BPTF: variants seen among roughly 807,000 people sequenced by gnomAD.
The protein encoded by BPTF is bromodomain PHD finger transcription factor, also known as nucleosome-remodeling factor subunit BPTF.
Under a neutral mutation model 292.5 loss-of-function variants are expected in BPTF, and 18 were observed. The ratio of observed to expected loss-of-function variants is 0.06; its 90% CI spans 0.04 to 0.09. The LOEUF is 0.09. Among genes scored for constraint, BPTF ranks in the 10% least tolerant of loss-of-function variants. The probability of loss-of-function intolerance (pLI) is 1.00; values close to 1 mark genes in which losing one functional copy is unlikely to be tolerated. For synonymous variants in BPTF, 1,225 were observed against 1,251.9 expected (o/e 0.98, Z 0.45); for missense variants, 2,726 against 3,498.7 (o/e 0.78, Z 5.57).
intron 23 of BPTF, among the ~76,000 whole-genome samples, 198 bp downstream of exon 23, chr17:67,948,504 A>G (rs939026752): frequency 2.6e-5 from 4 of 152,190 alleles, no homozygotes; most frequent in African/African-American, 7.2e-5. Context: ...GTGTAGTTAT[A>G]TTGTATTCTC....
At position 67,982,277 on chromosome 17, in the gene BPTF, A is replaced by G; in HGVS notation, c.8752A>G (p.Thr2918Ala). 1 of 1,611,736 alleles carries G rather than the reference A, an allele frequency of 6.2e-7. No individual in the cohort carries two copies. Residue 2918 changes from threonine to alanine, a missense_variant, in exon 28 of 28, where the codon ACA (threonine) becomes GCA (alanine). Physicochemically the swap from Thr to Ala is moderately conservative, Grantham distance 58 (BLOSUM62 0). Around this residue, in one of 22 missense-constraint regions of BPTF, gnomAD observed 21 missense variants for 16.1 expected, o/e 1.30. Coordinates refer to ENST00000306378, the MANE Select transcript of BPTF (RefSeq NM_182641.4). ...GTCTCATAACAACAAACTGCAGTCT[A>G]CAGCTTCTTAAAGTTCAGCGTGTTA... ...SRSHNNKLQS[T>A]AS is the part of the protein sequence containing the mutation.
intron 27 of BPTF, among the ~76,000 whole-genome samples, chr17:67,980,944 G>A (rs1487722972): frequency 6.6e-6 from 1 of 152,140 alleles, no homozygotes; most frequent in Non-Finnish European, 1.5e-5. Context: ...GTTCGCTTGA[G>A]CCCAGGAGTT....
chr17:67,937,337 A>T (rs2064993877), intron 18 of BPTF, among the ~76,000 whole-genome samples: 1 of 151,720 alleles, frequency 6.6e-6, no homozygotes, highest in Non-Finnish European at 1.5e-5. Flanking sequence ...GGTGCCTGTA[A>T]TCCCAGCTAC....
intron 27 of BPTF, among the ~76,000 whole-genome samples, chr17:67,976,527 A>G (rs1555693989): frequency 2.0e-5 from 3 of 151,850 alleles, no homozygotes; most frequent in African/African-American, 7.3e-5. Flanking sequence ...CTCTACAAAA[A>G]TTTAAAAAAT....
chr17:67,973,352 C>T (rs1309239409), intron 26 of BPTF, among the ~76,000 whole-genome samples: 6 of 150,034 alleles, frequency 4.0e-5, no homozygotes, highest in African/African-American at 7.3e-5. Flanking sequence ...CCAGCCTGGG[C>T]GACAGAGCGA....
At chr17:67,940,356 G>A (rs1484115556) in intron 18 of BPTF, 83 bp from the exon 19 acceptor site, 4 of 1,216,956 alleles carry the variant, frequency 3.3e-6, no homozygotes, top group East Asian at 2.5e-5. Context: ...AAAAGAATAC[G>A]TTCATGTGAG....
intron 2 of BPTF, among the ~76,000 whole-genome samples, chr17:67,863,490 T>A (rs1264120166): frequency 1.3e-5 from 2 of 152,202 alleles, no homozygotes; most frequent in Non-Finnish European, 2.9e-5. Context: ...TTCACCATGT[T>A]GGCCAGGATG....
At chr17:67,869,362 AAT>A (rs777063027) in intron 3 of BPTF, among the ~76,000 whole-genome samples, 5 of 152,198 alleles carry the variant, frequency 3.3e-5, no homozygotes, top group Non-Finnish European at 7.3e-5. Context: ...TCAAAACAGG[AAT>A]GGGTAATCAA....
chr17:67,940,656 C>T lies in BPTF; in HGVS notation c.6477C>T (p.His2159=), dbSNP rs782750355. The part of the protein sequence containing the change: ...MAQLTQLTQG[H]GGNQGLTVVI... ...AACTTACTCAGTTAACACAGGGCCACGTAAGTAACATAAGCTTTATTTTAA... is the reference window on the plus strand; with the variant it reads ...AACTTACTCAGTTAACACAGGGCCATGTAAGTAACATAAGCTTTATTTTAA... The change falls in exon 19 of 28, where the codon CAC becomes CAT. Residue 2159 remains histidine (H), a splice_region_variant and synonymous_variant. Coordinates refer to ENST00000306378, the MANE Select transcript of BPTF (RefSeq NM_182641.4). 5.6e-6 allele frequency: 9 copies of T among 1,611,160 alleles called. No individual in the cohort carries two copies. Among genetic ancestry groups the T allele is most frequent in the Middle Eastern group, 1.6e-4 (1 of 6,070 alleles).
At chr17:67,842,883 G>T (rs1466694451) in intron 1 of BPTF, among the ~76,000 whole-genome samples, 1 of 139,190 alleles carries the variant, frequency 7.2e-6, no homozygotes, top group Non-Finnish European at 1.5e-5. Context: ...GTTGCCAAAA[G>T]TTCTGCTGTA....
chr17:67,899,087 T>C (rs1425299561), intron 7 of BPTF, among the ~76,000 whole-genome samples: 2 of 152,106 alleles, frequency 1.3e-5, no homozygotes, highest in African/African-American at 4.8e-5. Context: ...ACCAAAACTG[T>C]GGCCAAACTT....
chr17:67,897,029 T>C (rs1311510914), intron 7 of BPTF, among the ~76,000 whole-genome samples: 1 of 151,284 alleles, frequency 6.6e-6, no homozygotes, highest in African/African-American at 2.4e-5. Context: ...ATAACCAATA[T>C]CAAGAATAAA....
At position 67,945,926 on chromosome 17, in the gene BPTF, A is replaced by G. The variant is rs1002676352; in HGVS notation, c.7218A>G (p.Ser2406=). 6.2e-7 allele frequency: 1 copy of G among 1,614,156 alleles called. No homozygotes were observed. The highest frequency in any genetic ancestry group is 8.5e-7 in the Non-Finnish European group (1 of 1,180,026). ...AGTCTTCAACTCAAACTCTTTCATCAGGACAAACTTTAAATCAAGTTACTG... is the reference window on the plus strand; with the variant it reads ...AGTCTTCAACTCAAACTCTTTCATCGGGACAAACTTTAAATCAAGTTACTG... ...QVQSSTQTLS[S]GQTLNQVTVS... Residue 2406 remains serine, a synonymous_variant, in exon 21 of 28, where the codon TCA becomes TCG. Transcript: ENST00000306378.
Position 67,869,735 on chromosome 17 carries a change from G to A in BPTF, c.1660+3048G>A, listed in dbSNP as rs150569603. ...ACAGTGGCTCACGCCTGTAATCCCA[G>A]CATTTTGGGAGGCTGAGGCGGGCGG... On this transcript the variant is annotated intron_variant, in intron 3 of 27. Coordinates refer to ENST00000306378, the MANE Select transcript of BPTF (RefSeq NM_182641.4). Among the ~76,000 whole-genome samples the A allele has an allele frequency of 1.9e-3, 283 of 150,594 alleles. 1 individual carries two copies. The highest frequency in any genetic ancestry group is 6.7e-3 in the African/African-American group (273 of 40,960).
intron 1 of BPTF, among the ~76,000 whole-genome samples, chr17:67,838,652 A>G (rs950745474): frequency 6.6e-6 from 1 of 151,882 alleles, no homozygotes; most frequent in African/African-American, 2.4e-5. Flanking sequence ...AGTTTTTTAT[A>G]TTTTTTTAGT....
intron 4 of BPTF, among the ~76,000 whole-genome samples, chr17:67,883,782 G>C (rs1455545187): frequency 6.6e-6 from 1 of 152,168 alleles, no homozygotes; most frequent in Non-Finnish European, 1.5e-5. Context: ...TGTATTTTTA[G>C]TAGAGACGGG....
chr17:67,976,805 T>C (rs2069536014), intron 27 of BPTF, among the ~76,000 whole-genome samples: 1 of 151,690 alleles, frequency 6.6e-6, no homozygotes, highest in African/African-American at 2.4e-5. Flanking sequence ...CAAATAACTT[T>C]TGAGAACCTG....
intron 27 of BPTF, chr17:67,981,903 A>ACACACACG (rs1303717587): frequency 5.5e-6 from 1 of 182,782 alleles, no homozygotes; most frequent in Non-Finnish European, 1.0e-5. Context: ...ACACACACAC[A>ACACACACG]CCTTTCACCA....
chr17:67,913,107 T>C lies in BPTF; in HGVS notation c.5223T>C (p.Pro1741=). ...LARKGGIREV[P]YFNYNAKPAL... is the part of the protein sequence containing the mutation. ...GAAAAGGAGGAATCCGAGAGGTCCC[T>C]TATTTTAATTACAATGCAAAACCTG... is the stretch of plus-strand genomic sequence containing the variant. Residue 1741 remains proline, a synonymous_variant, in exon 11 of 28, where the codon CCT becomes CCC. Transcript: ENST00000306378. 1 of 1,614,194 alleles carries C rather than the reference T, an allele frequency of 6.2e-7. No homozygotes were observed. Among genetic ancestry groups the C allele is most frequent in the Non-Finnish European group, 8.5e-7 (1 of 1,180,020 alleles).
Sources: allele counts gnomAD v4.1 joint callset (sites outside exome capture counted in the v4.1 genomes callset), GRCh38; gene constraint gnomAD v4.1.1; regional missense constraint gnomAD v4.1.1; transcripts MANE v1.5; gene names NCBI Gene and HGNC (gene_info 2026-07-23, HGNC 2026-07-21).